ARSF: variants seen among roughly 807,000 people sequenced by gnomAD.
The protein encoded by ARSF is arylsulfatase F.
ARSF carries 33 observed loss-of-function variants against 35.4 expected under a neutral mutation model. The ratio of observed to expected loss-of-function variants is 0.93; its 90% confidence interval spans 0.71 to 1.25. The LOEUF (loss-of-function observed/expected upper bound fraction) is 1.25, where lower values mean the gene tolerates loss of function less well. Among genes scored for constraint, ARSF ranks in the 50% most tolerant of loss-of-function variants. The probability of loss-of-function intolerance (pLI) is 0.00; values close to 1 mark genes in which losing one functional copy is unlikely to be tolerated. For missense variants in ARSF, 501 were observed against 480.2 expected, an observed-to-expected ratio of 1.04 and a Z score of -0.40; for synonymous variants, 222 against 193.1, an observed-to-expected ratio of 1.15 and a Z score of -1.24.
chrX:3,095,656 A>T (rs1250213637), intron 7 of ARSF, among the ~76,000 whole-genome samples: 5 of 110,028 alleles, frequency 4.5e-5, no homozygotes, highest in Non-Finnish European at 7.6e-5. Context: ...TTTAATGTTA[A>T]TTGCATTAGT....
At chrX:3,075,889 A>C (rs1277044266) in intron 3 of ARSF, among the ~76,000 whole-genome samples, 32 of 42,753 alleles carry the variant, frequency 7.5e-4, no homozygotes, top group Middle Eastern at 0.018. Context: ...CTCTCTCTCC[A>C]TCTCTCTCTC....
intron 8 of ARSF, among the ~76,000 whole-genome samples, chrX:3,103,530 G>A (rs1225362718): frequency 3.6e-5 from 4 of 111,764 alleles, no homozygotes; most frequent in Non-Finnish European, 7.5e-5. Flanking sequence ...CATGCAAATA[G>A]AATGTAAATG....
At chrX:3,068,198 G>T in intron 2 of ARSF, 87 bp downstream of exon 2, 3 of 890,634 alleles carry the variant, frequency 3.4e-6, no homozygotes, top group Non-Finnish European at 4.6e-6. Context: ...ATAGGTAGAG[G>T]CATTTAATAT....
At chrX:3,049,371 A>G (rs1339004943) in intron 1 of ARSF, among the ~76,000 whole-genome samples, 9 of 111,241 alleles carry the variant, frequency 8.1e-5, no homozygotes, top group South Asian at 3.8e-4. Flanking sequence ...AGGAATAGTG[A>G]CTGATGCCTG....
At position 3,064,324 on chromosome X, in the gene ARSF, A is replaced by G. The variant is rs768456250; in HGVS notation, c.-28-3749A>G. On this transcript the variant is annotated intron_variant, in intron 1 of 10. Coordinates refer to ENST00000381127, the MANE Select transcript of ARSF (RefSeq NM_001201539.2). The stretch of plus-strand genomic sequence containing the variant: ...AATTCAAGATGGATTAAAGACTTAC[A>G]TGTTAGACCTAAACCATAAAAACCC... Among the ~76,000 whole-genome samples, 35 of 112,377 alleles carry G rather than the reference A, an allele frequency of 3.1e-4. No homozygotes were observed. The South Asian group carries it at 0.012, about 40-fold the overall frequency.
At chrX:3,068,472 G>A (rs1033122385) in intron 2 of ARSF, among the ~76,000 whole-genome samples, 1 of 111,827 alleles carries the variant, frequency 8.9e-6, no homozygotes, top group South Asian at 3.7e-4. Context: ...CAGGGTAGAC[G>A]ACAGTGGTGC....
At chrX:3,109,125 G>A (rs948910112) in intron 9 of ARSF, among the ~76,000 whole-genome samples, 4 of 111,533 alleles carry the variant, frequency 3.6e-5, no homozygotes, top group Non-Finnish European at 7.5e-5. Flanking sequence ...TTCAAGACCA[G>A]CCTGACTGAC....
At chrX:3,105,351 T>C (rs181595397) in intron 9 of ARSF, among the ~76,000 whole-genome samples, 226 of 112,755 alleles carry the variant, frequency 2.0e-3, no homozygotes, top group African/African-American at 7.2e-3. Context: ...CTGGAATTTA[T>C]TTTATAATTT....
intron 1 of ARSF, among the ~76,000 whole-genome samples, chrX:3,062,515 G>C (rs1011883283): frequency 1.8e-5 from 2 of 111,380 alleles, no homozygotes; most frequent in Non-Finnish European, 3.8e-5. Flanking sequence ...GAATCCAGGA[G>C]TTGGTTTTTT....
intron 7 of ARSF, among the ~76,000 whole-genome samples, chrX:3,099,128 G>A (rs1356448979): frequency 9.0e-6 from 1 of 111,069 alleles, no homozygotes; most frequent in Non-Finnish European, 1.9e-5. Context: ...CAGATATGAT[G>A]TTCATTAAAT....
chrX:3,089,672 C>A (rs1165700561), intron 7 of ARSF, 40 bp downstream of exon 7: 1 of 1,199,217 alleles, frequency 8.3e-7, no homozygotes, highest in Admixed American at 2.2e-5. Context: ...CTAACGTGTT[C>A]TGATAGGACA....
intron 2 of ARSF, among the ~76,000 whole-genome samples, chrX:3,069,659 T>C (rs2090089261): frequency 8.9e-6 from 1 of 111,805 alleles, no homozygotes; most frequent in Non-Finnish European, 1.9e-5. Context: ...TTATTCTTTT[T>C]ATATTATGAA....
chrX:3,106,580 G>C (rs2090412736), intron 9 of ARSF, among the ~76,000 whole-genome samples: 1 of 111,660 alleles, frequency 9.0e-6, no homozygotes, highest in African/African-American at 3.3e-5. Flanking sequence ...GCTCTCACCT[G>C]TACAGAAATG....
upstream of ARSF, among the ~76,000 whole-genome samples, chrX:3,040,545 G>A (rs1206098286): frequency 9.9e-5 from 11 of 111,246 alleles, no homozygotes; most frequent in African/African-American, 2.0e-4. Context: ...GTACATTTGC[G>A]TGAGAGACTG....
intron 4 of ARSF, among the ~76,000 whole-genome samples, chrX:3,080,003 GAA>G (rs1225240153): frequency 1.8e-4 from 15 of 81,618 alleles, no homozygotes; most frequent in Admixed American, 2.8e-4. Flanking sequence ...GAGAGAGAGA[GAA>G]AAAAAAAAAA....
intron 7 of ARSF, 53 bp downstream of exon 7, chrX:3,089,685 A>G: frequency 8.6e-7 from 1 of 1,168,766 alleles, no homozygotes; most frequent in Non-Finnish European, 1.2e-6. Flanking sequence ...ATAGGACAGG[A>G]CACCTGAAAA....
intron 1 of ARSF, among the ~76,000 whole-genome samples, chrX:3,043,790 G>A (rs1377259867): frequency 9.0e-6 from 1 of 111,158 alleles, no homozygotes; most frequent in Non-Finnish European, 1.9e-5. Flanking sequence ...TGATTGATTT[G>A]TTTATTTTGG....
At position 3,041,500 on chromosome X, in the gene ARSF, AG is replaced by A. The variant is rs1256371405; in HGVS notation, c.-190del. 9.1e-6 allele frequency: 1 copy of A among 110,213 alleles called. No homozygotes were observed. The highest frequency in any genetic ancestry group is 1.9e-5 in the Non-Finnish European group (1 of 52,878). 9.1% of individuals were successfully genotyped at this position (110,213 alleles called of 1,213,427 possible). Reference sequence around the variant, plus strand: ...GAGACAGGCTCTCACCATGTTGACCAGGCTGGTCTCGAACTCCCGACCTCAA... The same window carrying A: ...GAGACAGGCTCTCACCATGTTGACCAGCTGGTCTCGAACTCCCGACCTCAA... On this transcript the variant is annotated 5_prime_UTR_variant, in exon 1 of 11. The change creates a premature stop within an existing upstream ORF in the 5' untranslated region. Transcript: ENST00000381127.
At chrX:3,095,040 T>C (rs376358190) in intron 7 of ARSF, among the ~76,000 whole-genome samples, 2 of 108,677 alleles carry the variant, frequency 1.8e-5, no homozygotes, top group Admixed American at 1.0e-4. Context: ...CCCTGCTACT[T>C]TGGAGGCTGA....
Sources: allele counts gnomAD v4.1 joint callset (sites outside exome capture counted in the v4.1 genomes callset), GRCh38; gene constraint gnomAD v4.1.1; transcripts MANE v1.5; gene names NCBI Gene and HGNC (gene_info 2026-07-23, HGNC 2026-07-21).